Variants in AFF2 observed in about 807,000 individuals in gnomAD.
AFF2 encodes the protein ALF transcription elongation factor 2.
In AFF2, 14 loss-of-function variants were observed where a neutral mutation model predicts 76.9. The observed-to-expected ratio is 0.18, with a 90% CI of 0.12 to 0.28. The LOEUF is 0.28. Among genes scored for constraint, AFF2 ranks in the 10% least tolerant of loss-of-function variants. The probability of loss-of-function intolerance (pLI) is 1.00; values close to 1 mark genes in which losing one functional copy is unlikely to be tolerated. For synonymous variants in AFF2, 398 were observed against 366.7 expected (o/e 1.09, Z -0.98); for missense variants, 868 against 1,001.1 (o/e 0.87, Z 1.79).
rs1473985280 is a variant in AFF2, at chrX:148,991,098, C to T, written c.3815-113C>T. ...TGAATGAATGAATGGACAAATGAAT[C>T]ACATTTCCATTGTCCATGTGGTTGT... On this transcript the variant is annotated intron_variant, in intron 20 of 20. Coordinates refer to ENST00000370460, the MANE Select transcript of AFF2 (RefSeq NM_002025.4). 3.7e-6 allele frequency: 3 copies of T among 821,882 alleles called. No individual in the cohort carries two copies. The African/African-American group carries it at 6.3e-5, about 17-fold the overall frequency. The allele number at this position is 821,882 out of a possible 1,213,427, so 67.7% of individuals were successfully genotyped here.
At position 148,837,700 on chromosome X, in the gene AFF2, C is replaced by T; in HGVS notation, c.1140C>T (p.His380=). Residue 380 remains histidine (H), a synonymous_variant, in exon 5 of 21, where the codon CAC becomes CAT. Transcript: ENST00000370460. The stretch of plus-strand genomic sequence containing the variant: ...TCACTTCCATGCATACTGCTGGACA[C>T]TCTGAGCAGAGCACCTTTTCCATCC... ...TPLTSMHTAG[H]SEQSTFSIPG... is the part of the protein sequence containing the mutation. 1 of 1,201,238 alleles carries T rather than the reference C, an allele frequency of 8.3e-7. No individual in the cohort carries two copies. The highest frequency in any genetic ancestry group is 1.1e-6 in the Non-Finnish European group (1 of 886,250).
chrX:148,529,513 T>C (rs2052704593), intron 1 of AFF2, among the ~76,000 whole-genome samples: 1 of 112,654 alleles, frequency 8.9e-6, no homozygotes, highest in Non-Finnish European at 1.9e-5. Flanking sequence ...GTCATTTGTT[T>C]GTTTAAATGA....
chrX:148,661,550 T>C (rs1169859452), intron 2 of AFF2, among the ~76,000 whole-genome samples: 2 of 112,109 alleles, frequency 1.8e-5, no homozygotes, highest in African/African-American at 6.5e-5. Flanking sequence ...TAAGCAGAAG[T>C]TGTTAATCAC....
intron 3 of AFF2, among the ~76,000 whole-genome samples, chrX:148,808,085 A>C (rs940790382): frequency 1.8e-5 from 2 of 112,396 alleles, no homozygotes; most frequent in Non-Finnish European, 3.8e-5. Context: ...TTTTATTTGC[A>C]TCATGGATCT....
chrX:148,585,819 CG>C, intron 1 of AFF2, among the ~76,000 whole-genome samples: 2 of 89,095 alleles, frequency 2.2e-5, no homozygotes, highest in African/African-American at 8.4e-5. Flanking sequence ...CCAGGCTGGG[CG>C]ACAGAGCGAG....
At chrX:148,827,722 A>G (rs1282645616) in intron 4 of AFF2, among the ~76,000 whole-genome samples, 2 of 112,279 alleles carry the variant, frequency 1.8e-5, no homozygotes, top group East Asian at 5.5e-4. Flanking sequence ...CCTTACTCTC[A>G]TTCCAATTAT....
At chrX:148,959,108 C>G (rs782252059) in intron 12 of AFF2, among the ~76,000 whole-genome samples, 41 of 110,928 alleles carry the variant, frequency 3.7e-4, no homozygotes, top group Admixed American at 7.6e-4. Context: ...TTCCAAGGAG[C>G]TGGCACCTGT....
intron 7 of AFF2, among the ~76,000 whole-genome samples, chrX:148,848,402 A>G (rs782084806): frequency 8.9e-6 from 1 of 112,310 alleles, no homozygotes; most frequent in Non-Finnish European, 1.9e-5. Context: ...TATTTTTGCT[A>G]AAAAACAATT....
intron 1 of AFF2, among the ~76,000 whole-genome samples, chrX:148,581,759 G>A (rs781949893): frequency 1.5e-3 from 167 of 112,354 alleles, no homozygotes; most frequent in Admixed American, 2.5e-3. Context: ...TGAACATAAA[G>A]TTCAATGTAT....
intron 1 of AFF2, among the ~76,000 whole-genome samples, chrX:148,562,865 T>G (rs1180912653): frequency 3.6e-5 from 4 of 111,849 alleles, no homozygotes; most frequent in African/African-American, 1.3e-4. Context: ...GGAGTTTACA[T>G]TTCAGTCAGG....
At chrX:148,693,020 G>A (rs1405795531) in intron 3 of AFF2, among the ~76,000 whole-genome samples, 1 of 111,434 alleles carries the variant, frequency 9.0e-6, no homozygotes, top group Non-Finnish European at 1.9e-5. Flanking sequence ...CTGGGTTTAC[G>A]CCATTCTCCT....
chrX:148,626,823 A>G (rs2053931687), intron 1 of AFF2, among the ~76,000 whole-genome samples: 1 of 111,390 alleles, frequency 9.0e-6, no homozygotes, highest in Admixed American at 9.5e-5. Context: ...TCATCTTGAG[A>G]TTCTTAATTT....
intron 1 of AFF2, among the ~76,000 whole-genome samples, chrX:148,647,136 C>T (rs2124450702): frequency 8.9e-6 from 1 of 111,937 alleles, no homozygotes; most frequent in Admixed American, 9.4e-5. Flanking sequence ...TTCAGAAGAA[C>T]CACAGGAAGT....
In AFF2 at chrX:148,967,711, A is replaced by G; in HGVS notation, c.3267+19A>G. On this transcript the variant is annotated intron_variant, in intron 15 of 20. Coordinates refer to ENST00000370460, the MANE Select transcript of AFF2 (RefSeq NM_002025.4). ...TGCACTGGTAAGTTTCCTTTTTCTC[A>G]TTGCTTTGTTCCTATTAAGGATTTA... 8.4e-7 allele frequency: 1 copy of G among 1,188,828 alleles called. No homozygotes were observed. The highest frequency in any genetic ancestry group is 2.3e-4 in the Middle Eastern group (1 of 4,260).
chrX:148,959,028 G>T (rs191836603), intron 12 of AFF2, among the ~76,000 whole-genome samples: 274 of 105,813 alleles, frequency 2.6e-3, no homozygotes, highest in African/African-American at 9.0e-3. Flanking sequence ...GTCTTTTCCT[G>T]ACACAGAACT....
At chrX:148,557,567 A>T (rs2053065242) in intron 1 of AFF2, among the ~76,000 whole-genome samples, 1 of 111,783 alleles carries the variant, frequency 8.9e-6, no homozygotes, top group Non-Finnish European at 1.9e-5. Flanking sequence ...AGAATGCATG[A>T]AAAAGAGAGA....
chrX:148,849,426 G>C (rs1557275114), intron 7 of AFF2, among the ~76,000 whole-genome samples: 1 of 88,167 alleles, frequency 1.1e-5, no homozygotes, highest in Non-Finnish European at 2.1e-5. Flanking sequence ...TTTCTGTCTG[G>C]GAAAAGGCAA....
intron 16 of AFF2, among the ~76,000 whole-genome samples, chrX:148,977,010 A>G (rs2072333881): frequency 8.9e-6 from 1 of 112,016 alleles, no homozygotes; most frequent in African/African-American, 3.3e-5. Flanking sequence ...CTGCGGGGGA[A>G]GGTTGCTGAA....
chrX:148,873,896 C>T (rs1557277620), intron 7 of AFF2, among the ~76,000 whole-genome samples: 2 of 111,699 alleles, frequency 1.8e-5, no homozygotes. Context: ...TGAGGGACTA[C>T]ATTTTTATTC....
Sources: allele counts gnomAD v4.1 joint callset (sites outside exome capture counted in the v4.1 genomes callset), GRCh38; gene constraint gnomAD v4.1.1; transcripts MANE v1.5; gene names NCBI Gene and HGNC (gene_info 2026-07-23, HGNC 2026-07-21).